TMBIM1: variants seen among roughly 807,000 people sequenced by gnomAD.
The protein encoded by TMBIM1 is transmembrane BAX inhibitor motif containing 1.
In TMBIM1, 34 loss-of-function variants were observed where a neutral mutation model predicts 45.1. The ratio of observed to expected loss-of-function variants is 0.75; its 90% CI spans 0.57 to 1.00. The LOEUF is 1.00. Among genes scored for constraint, TMBIM1 ranks in the 50% least tolerant of loss-of-function variants. The pLI is 0.00. For synonymous variants in TMBIM1, 157 were observed against 153.5 expected, an observed-to-expected ratio of 1.02 and a Z score of -0.17; for missense variants, 374 against 402.4, an observed-to-expected ratio of 0.93 and a Z score of 0.60.
chr2:218,279,206 G>A (rs2106199745), intron 4 of TMBIM1, 83 bp downstream of exon 4: 1 of 1,563,994 alleles, frequency 6.4e-7, no homozygotes, highest in African/African-American at 1.4e-5. Flanking sequence ...CCTGAGAGCA[G>A]GGCCCACCGC....
At chr2:218,284,864 G>A (rs1198862952) in intron 1 of TMBIM1, among the ~76,000 whole-genome samples, 1 of 152,248 alleles carries the variant, frequency 6.6e-6, no homozygotes, top group East Asian at 1.9e-4. Context: ...GCCGAGGCAG[G>A]TGGATCACCT....
intron 1 of TMBIM1, among the ~76,000 whole-genome samples, chr2:218,291,410 A>G (rs151141443): frequency 6.6e-6 from 1 of 152,248 alleles, no homozygotes; most frequent in African/African-American, 2.4e-5. Context: ...GGCCAGCCCA[A>G]AGTCGCCAGC....
In TMBIM1 at chr2:218,284,994, G is replaced by A. The variant is rs531352826; in HGVS notation, c.-40-2813C>T. The stretch of plus-strand genomic sequence containing the variant: ...AATCCCAGTTACTCGGGAGGCTGAG[G>A]CAGGAGAATCGATTCAACCTGGGAG... On this transcript the variant is annotated intron_variant, in intron 1 of 11. Transcript: ENST00000258412. Among the ~76,000 whole-genome samples, 4 of 152,312 alleles carry A rather than the reference G, an allele frequency of 2.6e-5. No homozygotes were observed. The East Asian group carries it at 7.7e-4, about 29-fold the overall frequency.
At chr2:218,287,130 A>T (rs547461434) in intron 1 of TMBIM1, 1 of 152,328 alleles carries the variant, frequency 6.6e-6, no homozygotes, top group Non-Finnish European at 1.5e-5. Context: ...ATCAGCCTGG[A>T]CTTTGGGACT....
At position 218,277,653 on chromosome 2, in the gene TMBIM1, G is replaced by C; in HGVS notation, c.531C>G (p.Phe177Leu). 6.2e-7 allele frequency: 1 copy of C among 1,614,182 alleles called. No homozygotes were observed. The highest frequency in any genetic ancestry group is 8.5e-7 in the Non-Finnish European group (1 of 1,180,054). ...TGTACCTGGAAATGGTGCCCGTCAT[G>C]AAGCCCATGGCAAAAGTCTAAGGGA... ...LLTLFTFAMG[F>L]MTGTISSMYQ... is the part of the protein sequence containing the mutation. The change falls in exon 8 of 12, where the codon TTC (phenylalanine) becomes TTG (leucine). Residue 177 changes from phenylalanine (F) to leucine (L), a missense_variant. Phe to Leu is a conservative substitution (Grantham distance 22). Transcript: ENST00000258412.
At chr2:218,278,241 T>C in intron 6 of TMBIM1, 1 of 604,204 alleles carries the variant, frequency 1.7e-6, no homozygotes, top group South Asian at 2.0e-5. Context: ...GGGAGAAAGT[T>C]ACTCAGCCTC....
At chr2:218,275,726 A>G in intron 11 of TMBIM1, 105 bp from the exon 12 acceptor site, 1 of 1,375,850 alleles carries the variant, frequency 7.3e-7, no homozygotes. Flanking sequence ...CACAGTGCTT[A>G]GGGCCACATT....
intron 9 of TMBIM1, 126 bp downstream of exon 9, chr2:218,277,240 C>T (rs932623654): frequency 6.8e-6 from 8 of 1,169,482 alleles, no homozygotes; most frequent in Middle Eastern, 2.4e-4. Context: ...AAACAGGACA[C>T]AGTTTTGTAG....
intron 1 of TMBIM1, among the ~76,000 whole-genome samples, chr2:218,285,448 C>A (rs1169679548): frequency 6.6e-6 from 1 of 152,046 alleles, no homozygotes; most frequent in Non-Finnish European, 1.5e-5. Flanking sequence ...GAGGCTGACA[C>A]AAGTGGAAGC....
At chr2:218,286,199 TTTTG>T (rs1471270198) in intron 1 of TMBIM1, 2 of 151,986 alleles carry the variant, frequency 1.3e-5, no homozygotes, top group African/African-American at 4.8e-5. Flanking sequence ...TTCTGCTTGT[TTTTG>T]TTTTTCTTTT....
At chr2:218,277,506 C>T in intron 8 of TMBIM1, 53 bp from the exon 9 acceptor site, 1 of 1,610,040 alleles carries the variant, frequency 6.2e-7, no homozygotes, top group Non-Finnish European at 8.5e-7. Flanking sequence ...GTATGAATGA[C>T]TTCAAAATCA....
At position 218,278,220 on chromosome 2, in the gene TMBIM1, C is replaced by G. The variant is rs992268785; in HGVS notation, c.474-246G>C. On this transcript the variant is annotated intron_variant, in intron 6 of 11. Coordinates refer to ENST00000258412, the MANE Select transcript of TMBIM1 (RefSeq NM_022152.6). ...TGGTTTGCAACTCTTAAACTGACTG[C>G]CTGTGTGATGGGGAGAAAGTTACTC... The G allele has an allele frequency of 4.5e-5, 27 of 604,902 alleles. No homozygotes were observed. In the African/African-American group the frequency reaches 4.8e-4, roughly 11 times the overall value. 37.5% of individuals were successfully genotyped at this position (604,902 alleles called of 1,614,324 possible).
chr2:218,280,198 A>C (rs1165203229), intron 2 of TMBIM1, 72 bp from the exon 3 acceptor site: 2 of 1,109,860 alleles, frequency 1.8e-6, no homozygotes, highest in Non-Finnish European at 2.8e-6. Flanking sequence ...CCTCCCTGAC[A>C]ATCTCAAAGT....
At chr2:218,276,656 C>T (rs559805871) in intron 10 of TMBIM1, among the ~76,000 whole-genome samples, 2 of 152,348 alleles carry the variant, frequency 1.3e-5, no homozygotes, top group South Asian at 4.1e-4. Flanking sequence ...CGCAAGGTCC[C>T]TTCCACCTAG....
chr2:218,279,354 C>T lies in TMBIM1; in HGVS notation c.304-1G>A, dbSNP rs1179749784. 4 of 1,572,172 alleles carry T rather than the reference C, an allele frequency of 2.5e-6. No individual in the cohort carries two copies. Among genetic ancestry groups the T allele is most frequent in the Non-Finnish European group, 3.4e-6 (4 of 1,159,904 alleles). On this transcript the variant is annotated splice_acceptor_variant, in intron 3 of 11. Coordinates refer to ENST00000258412, the MANE Select transcript of TMBIM1 (RefSeq NM_022152.6). LOFTEE classifies it high-confidence loss of function. ...GCTGCACGGAGATGATGGAGTAAACCTGGACACAGACGGCCGGGCATGGGT... is the reference window on the plus strand; with the variant it reads ...GCTGCACGGAGATGATGGAGTAAACTTGGACACAGACGGCCGGGCATGGGT...
At position 218,279,086 on chromosome 2, in the gene TMBIM1, G is replaced by C. The variant is rs201159214; in HGVS notation, c.374C>G (p.Pro125Arg). ...ATTTCTCCTCACAAAGGCGCTGACA[G>C]GTTCCCTGTGGGGCACAGGAGGACA... ...AIIAIFTFVE[P>R]VSAFVRRNVA... Residue 125 changes from proline (P) to arginine (R), a missense_variant, in exon 5 of 12, where the codon CCT (proline) becomes CGT (arginine). By Grantham distance (103) the Pro-to-Arg change is moderately radical. Coordinates refer to ENST00000258412, the MANE Select transcript of TMBIM1 (RefSeq NM_022152.6). 59 of 1,614,046 alleles carry C rather than the reference G, an allele frequency of 3.7e-5. No homozygotes were observed. In the Admixed American group the frequency reaches 3.8e-4, roughly 10 times the overall value.
chr2:218,280,507 G>A (rs567948713), intron 2 of TMBIM1: 48 of 271,434 alleles, frequency 1.8e-4, no homozygotes, highest in African/African-American at 8.2e-4. Context: ...AAAGGAGGGC[G>A]GCAGAGCGCA....
intron 6 of TMBIM1, 196 bp downstream of exon 6, chr2:218,278,317 TAA>T (rs777999104): frequency 1.6e-5 from 10 of 632,308 alleles, no homozygotes; most frequent in Non-Finnish European, 2.8e-5. Flanking sequence ...AGGGTTACTA[TAA>T]GAGTGACAGC....
intron 1 of TMBIM1, among the ~76,000 whole-genome samples, chr2:218,288,297 C>T (rs1004094054): frequency 3.9e-5 from 6 of 152,148 alleles, no homozygotes; most frequent in African/African-American, 7.2e-5. Flanking sequence ...GATGTGGTGG[C>T]GGACGCCTGT....
Sources: gnomAD v4.1 joint callset for allele counts (sites outside exome capture counted in the v4.1 genomes callset) on GRCh38, gnomAD v4.1.1 for gene constraint, MANE v1.5 for transcripts, NCBI Gene and HGNC (gene_info 2026-07-23, HGNC 2026-07-21) for gene names.